ADAMTSL2: variants seen among roughly 807,000 people sequenced by gnomAD.
ADAMTSL2 encodes the protein ADAMTS-like protein 2.
In ADAMTSL2, 55 loss-of-function variants were observed where a neutral mutation model predicts 117.0. The ratio of observed to expected loss-of-function variants is 0.47; its 90% CI spans 0.38 to 0.59. The LOEUF is 0.59. Ranked by LOEUF, ADAMTSL2 falls within the 20% of genes least tolerant of loss-of-function variation. The pLI, the probability that ADAMTSL2 is intolerant of heterozygous loss-of-function variation, is 0.00. For missense variants in ADAMTSL2, 1,182 were observed against 1,354.5 expected, an observed-to-expected ratio of 0.87 and a Z score of 2.00; for synonymous variants, 572 against 566.4, an observed-to-expected ratio of 1.01 and a Z score of -0.14.
chr9:133,538,348 G>T lies in ADAMTSL2; in HGVS notation c.234-1G>T. 6.2e-7 allele frequency: 1 copy of T among 1,613,432 alleles called. No homozygotes were observed. Among genetic ancestry groups the T allele is most frequent in the Non-Finnish European group, 8.5e-7 (1 of 1,180,032 alleles). On this transcript the variant is annotated splice_acceptor_variant, in intron 3 of 18. Transcript: ENST00000651351. LOFTEE classifies it high-confidence loss of function. ...ACTCCGAGCCTGCATCTTTCTGCCAGGAGGAAGTCCGTCCCGGGCCCCGGG... is the reference window on the plus strand; with the variant it reads ...ACTCCGAGCCTGCATCTTTCTGCCATGAGGAAGTCCGTCCCGGGCCCCGGG...
chr9:133,568,829 C>T (rs1831038466), intron 15 of ADAMTSL2, 71 bp downstream of exon 15: 1 of 1,600,276 alleles, frequency 6.2e-7, no homozygotes, highest in African/African-American at 1.3e-5. Context: ...CTTGATGTGC[C>T]TCAGTTTCCA....
At chr9:133,539,514 C>G (rs1010404759) in intron 4 of ADAMTSL2, among the ~76,000 whole-genome samples, 1 of 152,176 alleles carries the variant, frequency 6.6e-6, no homozygotes, top group Non-Finnish European at 1.5e-5. Context: ...GTGGTGGGGA[C>G]TGGGAGGGTT....
At chr9:133,547,298 C>G (rs893551305) in intron 9 of ADAMTSL2, 85 bp downstream of exon 9, 2 of 1,402,896 alleles carry the variant, frequency 1.4e-6, no homozygotes, top group Non-Finnish European at 2.0e-6. Context: ...TCTTCCAGCC[C>G]GTGACGCCCC....
At position 133,574,797 on chromosome 9, in the gene ADAMTSL2, T is replaced by C; in HGVS notation, c.2789T>C (p.Val930Ala). 2 of 1,613,730 alleles carry C rather than the reference T, an allele frequency of 1.2e-6. No individual in the cohort carries two copies. The highest frequency in any genetic ancestry group is 1.7e-6 in the Non-Finnish European group (2 of 1,179,980). ...ACCAACTGTGCCCTGGCCATCAAAG[T>C]GAACCTCTGCGGGCACTGGTACTAC... ...PGTNCALAIK[V>A]NLCGHWYYSK... The change falls in exon 19 of 19, where the codon GTG becomes GCG. Residue 930 changes from valine (V) to alanine (A), a missense_variant. This residue lies in a region of ADAMTSL2 where 465 missense variants were observed against 565.3 expected (regional missense o/e 0.82). Coordinates refer to ENST00000651351, the MANE Select transcript of ADAMTSL2 (RefSeq NM_014694.4).
At chr9:133,535,387 C>T (rs1221071509) in intron 1 of ADAMTSL2, among the ~76,000 whole-genome samples, 1 of 19,362 alleles carries the variant, frequency 5.2e-5, no homozygotes, top group Non-Finnish European at 1.0e-4. Flanking sequence ...GGGGGGCAGG[C>T]GGCGGGGGCA....
intron 2 of ADAMTSL2, 25 bp from the exon 3 acceptor site, chr9:133,537,380 C>T: frequency 1.5e-6 from 2 of 1,333,336 alleles, no homozygotes. Context: ...GAGCCCTCTA[C>T]CATCTGGGGG....
rs1831033962 is a variant in ADAMTSL2 at position 133,568,663 on chromosome 9, G to A, written c.2149G>A (p.Glu717Lys). Reference sequence around the variant, plus strand: ...CAGGGACATCCGCTGCTCGGAGGATGAGAAGCTGTGTGACCCCAACACCAG... The same window carrying A: ...CAGGGACATCCGCTGCTCGGAGGATAAGAAGCTGTGTGACCCCAACACCAG... ...VTRDIRCSED[E>K]KLCDPNTRPV... Residue 717 changes from glutamate (E) to lysine (K), a missense_variant, in exon 15 of 19, where the codon GAG becomes AAG. Physicochemically the swap from Glu to Lys is moderately conservative, Grantham distance 56. This residue lies in a region of ADAMTSL2 where 465 missense variants were observed against 565.3 expected (regional missense o/e 0.82). Coordinates refer to ENST00000651351, the MANE Select transcript of ADAMTSL2 (RefSeq NM_014694.4). 6.2e-7 allele frequency: 1 copy of A among 1,613,368 alleles called. No homozygotes were observed. The highest frequency in any genetic ancestry group is 1.3e-5 in the African/African-American group (1 of 74,938).
Position 133,536,965 on chromosome 9 carries a change from G to A in ADAMTSL2, c.90+163G>A, listed in dbSNP as rs369396051. Among the ~76,000 whole-genome samples, 558 of 152,364 alleles carry A rather than the reference G, an allele frequency of 3.7e-3. 5 individuals are homozygous for A. Among genetic ancestry groups the A allele is most frequent in the African/African-American group, 0.013 (526 of 41,586 alleles). ...CTTCTGCCCAGAGCCAGTCAGATCA[G>A]CCTCTGAACTGGGGCCCTGGCTACT... On this transcript the variant is annotated intron_variant, in intron 2 of 18. Transcript: ENST00000651351.
rs536011259 is a variant in ADAMTSL2, at chr9:133,539,955, C to T, written c.412+82C>T. ...CCCTTCCGGCACCTGGGACCAAACT[C>T]GACGGGTGGGCAGGTGGGGAAATGG... On this transcript the variant is annotated intron_variant, in intron 5 of 18. Transcript: ENST00000651351. The T allele has an allele frequency of 3.8e-5, 49 of 1,300,694 alleles. No individual in the cohort carries two copies. The East Asian group carries it at 7.0e-4, about 19-fold the overall frequency. The allele number at this position is 1,300,694 out of a possible 1,614,324, so 80.6% of individuals were successfully genotyped here. A position where few individuals can be genotyped will look rare whatever the true frequency, so the allele number is the denominator to read the frequency against.
chr9:133,568,574 C>T (rs1026143071), intron 14 of ADAMTSL2, 29 bp from the exon 15 acceptor site: 4 of 1,553,506 alleles, frequency 2.6e-6, no homozygotes, highest in East Asian at 2.4e-5. Context: ...GTGTCACACC[C>T]CCCCTGCCCC....
intron 4 of ADAMTSL2, among the ~76,000 whole-genome samples, chr9:133,539,207 A>G (rs1337868275): frequency 6.6e-6 from 1 of 151,778 alleles, no homozygotes; most frequent in Admixed American, 6.6e-5. Context: ...GGGTTGGGGG[A>G]GGGGCATTTA....
At chr9:133,556,204 G>A (rs867095596) in intron 11 of ADAMTSL2, among the ~76,000 whole-genome samples, 1 of 152,242 alleles carries the variant, frequency 6.6e-6, no homozygotes, top group African/African-American at 2.4e-5. Context: ...GCAGCTGATG[G>A]GGGGAAGGGA....
intron 7 of ADAMTSL2, among the ~76,000 whole-genome samples, chr9:133,542,931 C>T (rs1025481656): frequency 3.9e-5 from 6 of 152,070 alleles, no homozygotes; most frequent in African/African-American, 1.4e-4. Context: ...TCACCATTTT[C>T]TAATCCTTTA....
At position 133,554,352 on chromosome 9, in the gene ADAMTSL2, C is replaced by T; in HGVS notation, c.940-5C>T. 6.5e-7 allele frequency: 1 copy of T among 1,546,048 alleles called. No homozygotes were observed. Among genetic ancestry groups the T allele is most frequent in the Non-Finnish European group, 8.7e-7 (1 of 1,150,312 alleles). ...GGGGCTGGGGACCCACTTCTCTTTCCCTAGGTGTGGAACCAGAACGGCAAA... is the reference window on the plus strand; with the variant it reads ...GGGGCTGGGGACCCACTTCTCTTTCTCTAGGTGTGGAACCAGAACGGCAAA... On this transcript the variant is annotated splice_polypyrimidine_tract_variant and splice_region_variant and intron_variant, in intron 9 of 18. Coordinates refer to ENST00000651351, the MANE Select transcript of ADAMTSL2 (RefSeq NM_014694.4). The surrounding 1 kb of genome is among the most constrained non-coding windows in gnomAD (Gnocchi z 5.2).
intron 3 of ADAMTSL2, 29 bp from the exon 4 acceptor site, chr9:133,538,320 C>T (rs1361459851): frequency 1.2e-6 from 2 of 1,612,600 alleles, no homozygotes; most frequent in Non-Finnish European, 8.5e-7. Flanking sequence ...CTCTGCAGCC[C>T]TCACTCCGAG....
chr9:133,550,808 T>C (rs1306471297), intron 9 of ADAMTSL2, among the ~76,000 whole-genome samples: 1 of 152,158 alleles, frequency 6.6e-6, no homozygotes, highest in Non-Finnish European at 1.5e-5. Flanking sequence ...GTGCCTGCAG[T>C]GGGGTGATGA....
Position 133,555,434 on chromosome 9 carries a change from C to G in ADAMTSL2, c.1277-124C>G, listed in dbSNP as rs370420519. 10 of 1,275,102 alleles carry G rather than the reference C, an allele frequency of 7.8e-6. No homozygotes were observed. The African/African-American group carries it at 8.9e-5, about 11-fold the overall frequency. 79.0% of individuals were successfully genotyped at this position (1,275,102 alleles called of 1,614,324 possible). A position where few individuals can be genotyped will look rare whatever the true frequency, so the allele number is the denominator to read the frequency against. On this transcript the variant is annotated intron_variant, in intron 10 of 18. Coordinates refer to ENST00000651351, the MANE Select transcript of ADAMTSL2 (RefSeq NM_014694.4). The stretch of plus-strand genomic sequence containing the variant: ...GTCCTCTAGTTAGGCAGAAGCCCTC[C>G]TTCTGGGAGCTTCTTGGTTCAGCTT...
At position 133,571,291 on chromosome 9, in the gene ADAMTSL2, G is replaced by C. The variant is rs914032631; in HGVS notation, c.2592+784G>C. ...CCCACAGTTACTGGGGGCTGTAGCA[G>C]ACATTGGAGGCCAGGCCTGTCCATG... On this transcript the variant is annotated intron_variant, in intron 17 of 18. Coordinates refer to ENST00000651351, the MANE Select transcript of ADAMTSL2 (RefSeq NM_014694.4). 8.5e-5 allele frequency among the ~76,000 whole-genome samples: 13 copies of C among 152,300 alleles called. No homozygotes were observed. In the South Asian group the frequency reaches 2.7e-3, roughly 32 times the overall value.
Position 133,547,021 on chromosome 9 carries a change from C to T in ADAMTSL2, c.764-17C>T, listed in dbSNP as rs375342120. Reference sequence around the variant, plus strand: ...AGCCAGTTTGGCCTTTTGTGACCGGCGGCTTTGCCCTTCCAGCTCTTGCAG... The same window carrying T: ...AGCCAGTTTGGCCTTTTGTGACCGGTGGCTTTGCCCTTCCAGCTCTTGCAG... On this transcript the variant is annotated splice_polypyrimidine_tract_variant and intron_variant, in intron 8 of 18. Coordinates refer to ENST00000651351, the MANE Select transcript of ADAMTSL2 (RefSeq NM_014694.4). 92 of 1,613,426 alleles carry T rather than the reference C, an allele frequency of 5.7e-5. No homozygotes were observed. The highest frequency in any genetic ancestry group is 2.2e-5 in the South Asian group (2 of 91,048).
Sources: gnomAD v4.1 joint callset for allele counts (sites outside exome capture counted in the v4.1 genomes callset) on GRCh38, gnomAD v4.1.1 for gene constraint, gnomAD v4.1.1 regional missense constraint, Gnocchi (gnomAD v3.1) non-coding constraint, MANE v1.5 for transcripts, NCBI Gene and HGNC (gene_info 2026-07-23, HGNC 2026-07-21) for gene names.